The following DNAJC10 variants were observed in gnomAD, a reference collection of about 807,000 sequenced individuals.
DNAJC10 encodes endoplasmic reticulum disulfide reductase DNAJC10.
Under a neutral mutation model 115.0 loss-of-function variants are expected in DNAJC10, and 101 were observed. That is an observed-to-expected ratio of 0.88 (90% CI 0.75 to 1.04). The LOEUF (loss-of-function observed/expected upper bound fraction) is 1.04. Among genes scored for constraint, DNAJC10 ranks in the 50% least tolerant of loss-of-function variants. The pLI is 0.00. For synonymous variants in DNAJC10, 307 were observed against 301.5 expected (o/e 1.02, Z -0.19); for missense variants, 981 against 928.8 (o/e 1.06, Z -0.73).
chr2:182,766,032 A>T (rs752133093), intron 22 of DNAJC10, among the ~76,000 whole-genome samples: 2 of 152,206 alleles, frequency 1.3e-5, no homozygotes, highest in Non-Finnish European at 2.9e-5. Flanking sequence ...GTGGATACTG[A>T]GTAACATCAG....
At chr2:182,744,803 C>T (rs1693820588) in intron 14 of DNAJC10, among the ~76,000 whole-genome samples, 2 of 152,192 alleles carry the variant, frequency 1.3e-5, no homozygotes, top group African/African-American at 4.8e-5. Flanking sequence ...ATTTGTCTGA[C>T]TCCAAAACCT....
intron 11 of DNAJC10, among the ~76,000 whole-genome samples, chr2:182,737,930 A>G (rs893888420): frequency 2.6e-5 from 4 of 152,244 alleles, no homozygotes; most frequent in Non-Finnish European, 5.9e-5. Context: ...GGATGGATAC[A>G]GATACGTAAT....
intron 19 of DNAJC10, among the ~76,000 whole-genome samples, chr2:182,758,510 TGACA>T (rs1367760220): frequency 6.6e-5 from 10 of 152,280 alleles, no homozygotes; most frequent in Admixed American, 3.9e-4. Context: ...GGTAGGAATT[TGACA>T]GACAGTAATA....
At chr2:182,769,068 A>T (rs546986937) in intron 22 of DNAJC10, among the ~76,000 whole-genome samples, 1 of 152,110 alleles carries the variant, frequency 6.6e-6, no homozygotes, top group East Asian at 1.9e-4. Context: ...GAGTGAGAAC[A>T]TGAGATGTTT....
At chr2:182,775,133 T>C (rs1304222097) in intron 22 of DNAJC10, among the ~76,000 whole-genome samples, 183 bp from the exon 23 acceptor site, 1 of 152,148 alleles carries the variant, frequency 6.6e-6, no homozygotes, top group African/African-American at 2.4e-5. Flanking sequence ...TAGTATTTAT[T>C]TTAGGTACAT....
intron 5 of DNAJC10, 62 bp from the exon 6 acceptor site, chr2:182,728,514 C>T: frequency 8.0e-7 from 1 of 1,250,898 alleles, no homozygotes; most frequent in Non-Finnish European, 1.1e-6. Context: ...AAGTTTTTAA[C>T]TAAAATATGC....
Position 182,720,129 on chromosome 2 carries a change from T to A in DNAJC10, c.327T>A (p.Gly109=), listed in dbSNP as rs982637666. Residue 109 remains glycine, a synonymous_variant, in exon 4 of 24, where the codon GGT becomes GGA. Coordinates refer to ENST00000264065, the MANE Select transcript of DNAJC10 (RefSeq NM_018981.4). The part of the protein sequence containing the change: ...YGEKGLEDNQ[G]GQYESWNYYR... ...AAAAGGGACTTGAGGATAATCAAGG[T>A]GGCCAGTATGAAAGCTGGAACTATT... 4.3e-6 allele frequency: 7 copies of A among 1,611,112 alleles called. No individual in the cohort carries two copies. In the Admixed American group the frequency reaches 1.0e-4, roughly 23 times the overall value.
At chr2:182,744,699 C>A (rs79047213) in intron 14 of DNAJC10, among the ~76,000 whole-genome samples, 1 of 151,942 alleles carries the variant, frequency 6.6e-6, no homozygotes, top group Non-Finnish European at 1.5e-5. Flanking sequence ...TTTACAACAG[C>A]CCAGTGAAGG....
At chr2:182,732,200 TAGG>T (rs1251170909) in intron 9 of DNAJC10, among the ~76,000 whole-genome samples, 1 of 152,028 alleles carries the variant, frequency 6.6e-6, no homozygotes, top group Non-Finnish European at 1.5e-5. Flanking sequence ...GGATTGTTGA[TAGG>T]AGGAGAGATT....
intron 14 of DNAJC10, among the ~76,000 whole-genome samples, chr2:182,746,072 C>T (rs1485889346): frequency 6.6e-6 from 1 of 152,052 alleles, no homozygotes; most frequent in Non-Finnish European, 1.5e-5. Flanking sequence ...TGAACTCATC[C>T]TTTTTTATGG....
intron 22 of DNAJC10, among the ~76,000 whole-genome samples, chr2:182,770,690 G>C (rs1452980769): frequency 6.6e-6 from 1 of 152,154 alleles, no homozygotes; most frequent in Non-Finnish European, 1.5e-5. Context: ...TTCCTTATCA[G>C]CTTAAGGAGA....
At position 182,790,660 on chromosome 2, in the gene DNAJC10, A is replaced by T. The variant is rs1042747394; in HGVS notation, c.*13528A>T. ...AAAAAATGGCCAGGCGTGGTGGTGC[A>T]CGCCTGTAATCCCAGCTACTTGGGA... is the stretch of plus-strand genomic sequence containing the variant. On this transcript the variant is annotated 3_prime_UTR_variant, in exon 24 of 24. Coordinates refer to ENST00000264065, the MANE Select transcript of DNAJC10 (RefSeq NM_018981.4). The T allele has an allele frequency of 1.3e-5, 2 of 151,834 alleles. No individual in the cohort carries two copies. The highest frequency in any genetic ancestry group is 4.8e-5 in the African/African-American group (2 of 41,298). The allele number at this position is 151,834 out of a possible 1,614,324, so 9.4% of individuals were successfully genotyped here.
rs915371675 is a variant in DNAJC10 at position 182,782,333 on chromosome 2, T to G, written c.*5201T>G. 1 of 152,240 alleles carries G rather than the reference T, an allele frequency of 6.6e-6. No individual in the cohort carries two copies. The highest frequency in any genetic ancestry group is 2.4e-5 in the African/African-American group (1 of 41,456). The allele number at this position is 152,240 out of a possible 1,614,324, so 9.4% of individuals were successfully genotyped here. On this transcript the variant is annotated 3_prime_UTR_variant, in exon 24 of 24. Coordinates refer to ENST00000264065, the MANE Select transcript of DNAJC10 (RefSeq NM_018981.4). ...CTCTGTTTTGGTACCAGTACCATGC[T>G]GTTTTGGTTACTGAGCCTTGTAGTA...
chr2:182,751,133 T>TTTC (rs1405791828), intron 14 of DNAJC10, among the ~76,000 whole-genome samples: 2 of 125,258 alleles, frequency 1.6e-5, no homozygotes, highest in Non-Finnish European at 3.3e-5. Context: ...ATTTTGACTT[T>TTTC]TTTTTTTTTT....
Position 182,773,412 on chromosome 2 carries a change from C to A in DNAJC10, c.2266-1904C>A, listed in dbSNP as rs192880190. On this transcript the variant is annotated intron_variant, in intron 22 of 23. Transcript: ENST00000264065. ...AGGTTGAGGAAGTTCTGGATAATAT[C>A]CTGAAGAGTGTTTTCCAACTTGGTT... is the stretch of plus-strand genomic sequence containing the variant. 1.6e-3 allele frequency among the ~76,000 whole-genome samples: 246 copies of A among 152,210 alleles called. 2 individuals are homozygous for A. The highest frequency in any genetic ancestry group is 5.6e-3 in the African/African-American group (233 of 41,532).
At chr2:182,721,388 T>C (rs1693146883) in intron 4 of DNAJC10, among the ~76,000 whole-genome samples, 1 of 152,168 alleles carries the variant, frequency 6.6e-6, no homozygotes. Context: ...GTTTACATAA[T>C]ATATGTGACT....
Position 182,789,499 on chromosome 2 carries a change from G to A in DNAJC10, c.*12367G>A, listed in dbSNP as rs1240349300. On this transcript the variant is annotated 3_prime_UTR_variant, in exon 24 of 24. Coordinates refer to ENST00000264065, the MANE Select transcript of DNAJC10 (RefSeq NM_018981.4). ...GTCTCCCAAAGTGCTGGGATTACAGGCGTGAGCCACCGCACCCAGCCAATT... is the reference window on the plus strand; with the variant it reads ...GTCTCCCAAAGTGCTGGGATTACAGACGTGAGCCACCGCACCCAGCCAATT... 1.3e-5 allele frequency: 2 copies of A among 152,320 alleles called. No individual in the cohort carries two copies. Among genetic ancestry groups the A allele is most frequent in the African/African-American group, 2.4e-5 (1 of 41,454 alleles). 9.4% of individuals were successfully genotyped at this position (152,320 alleles called of 1,614,324 possible).
chr2:182,755,013 A>G lies in DNAJC10; in HGVS notation c.1562A>G (p.Gln521Arg). Residue 521 changes from glutamine to arginine, a missense_variant, in exon 17 of 24, where the codon CAG becomes CGG. Coordinates refer to ENST00000264065, the MANE Select transcript of DNAJC10 (RefSeq NM_018981.4). ...HEGLCNMYNI[Q>R]AYPTTVVFNQ... Reference sequence around the variant, plus strand: ...TCTCCTTCCTATCAGTATAACATTCAGGCTTATCCAACAACAGTGGTATTC... The same window carrying G: ...TCTCCTTCCTATCAGTATAACATTCGGGCTTATCCAACAACAGTGGTATTC... 1 of 1,592,154 alleles carries G rather than the reference A, an allele frequency of 6.3e-7. No individual in the cohort carries two copies. Among genetic ancestry groups the G allele is most frequent in the East Asian group, 2.2e-5 (1 of 44,648 alleles).
chr2:182,729,278 A>G (rs1356691503), intron 7 of DNAJC10, among the ~76,000 whole-genome samples: 2 of 151,984 alleles, frequency 1.3e-5, no homozygotes, highest in Non-Finnish European at 2.9e-5. Flanking sequence ...CCTCCCGAGT[A>G]GCTGGGACTA....
Sources: gnomAD v4.1 joint callset for allele counts (sites outside exome capture counted in the v4.1 genomes callset) on GRCh38, gnomAD v4.1.1 for gene constraint, MANE v1.5 for transcripts, NCBI Gene and HGNC (gene_info 2026-07-23, HGNC 2026-07-21) for gene names.